MAP3K20: variants seen among roughly 807,000 people sequenced by gnomAD.
MAP3K20 encodes HCCS-4.
MAP3K20 carries 40 observed loss-of-function variants against 85.7 expected under a neutral mutation model. That is an observed-to-expected ratio of 0.47 (90% confidence interval 0.36 to 0.61). The LOEUF (loss-of-function observed/expected upper bound fraction) is 0.61. MAP3K20 is among the 20% of genes least tolerant of loss of function. The pLI is 0.00. For missense variants in MAP3K20, 817 were observed against 961.7 expected (o/e 0.85, Z 1.99); for synonymous variants, 325 against 327.7 (o/e 0.99, Z 0.09).
intron 10 of MAP3K20, among the ~76,000 whole-genome samples, chr2:173,215,120 T>C (rs1332607546): frequency 6.6e-6 from 1 of 152,216 alleles, no homozygotes; most frequent in African/African-American, 2.4e-5. Flanking sequence ...ATCTTTGGCT[T>C]AAATTACAAG....
intron 1 of MAP3K20, among the ~76,000 whole-genome samples, chr2:173,085,751 G>C (rs1045334060): frequency 2.0e-5 from 3 of 146,986 alleles, no homozygotes; most frequent in Non-Finnish European, 3.0e-5. Flanking sequence ...GCATTGTTGC[G>C]TGGAGCAAAA....
chr2:173,215,055 T>A (rs1012035278), intron 10 of MAP3K20, among the ~76,000 whole-genome samples: 3 of 152,208 alleles, frequency 2.0e-5, no homozygotes, highest in Non-Finnish European at 4.4e-5. Flanking sequence ...TCTTGATCTG[T>A]TTTCTGGAAG....
At chr2:173,232,157 A>T in intron 12 of MAP3K20, 35 bp from the exon 13 acceptor site, 1 of 1,614,114 alleles carries the variant, frequency 6.2e-7, no homozygotes, top group South Asian at 1.1e-5. Context: ...ACCATGTGTG[A>T]ATCTTCAAAA....
At chr2:173,164,842 T>G (rs1288699117) in intron 2 of MAP3K20, among the ~76,000 whole-genome samples, 1 of 152,206 alleles carries the variant, frequency 6.6e-6, no homozygotes, top group African/African-American at 2.4e-5. Flanking sequence ...CATGGCAAAC[T>G]GAGCTAATGG....
chr2:173,213,308 G>T lies in MAP3K20; in HGVS notation c.851+3473G>T, dbSNP rs79330168. ...AGACAGTGAAGTATTTTAGTAAAAGGCGTACAGTTGCCTAAGGGGCCTCCT... is the reference window on the plus strand; with the variant it reads ...AGACAGTGAAGTATTTTAGTAAAAGTCGTACAGTTGCCTAAGGGGCCTCCT... On this transcript the variant is annotated intron_variant, in intron 10 of 19. Coordinates refer to ENST00000375213, the MANE Select transcript of MAP3K20 (RefSeq NM_016653.3). Among the ~76,000 whole-genome samples, 619 of 152,250 alleles carry T rather than the reference G, an allele frequency of 4.1e-3. 2 individuals are homozygous for T. The highest frequency in any genetic ancestry group is 7.2e-3 in the Non-Finnish European group (487 of 68,014).
At chr2:173,188,516 G>C (rs1321143998) in intron 5 of MAP3K20, among the ~76,000 whole-genome samples, 1 of 152,022 alleles carries the variant, frequency 6.6e-6, no homozygotes, top group Non-Finnish European at 1.5e-5. Context: ...AGAATGGGTG[G>C]TGATGACAAG....
At chr2:173,128,633 A>T (rs1688516917) in intron 2 of MAP3K20, among the ~76,000 whole-genome samples, 1 of 152,088 alleles carries the variant, frequency 6.6e-6, no homozygotes, top group Admixed American at 6.6e-5. Flanking sequence ...AGTCCAGCCT[A>T]AATTGACTTT....
intron 2 of MAP3K20, among the ~76,000 whole-genome samples, chr2:173,094,538 G>A (rs1363700167): frequency 6.6e-6 from 1 of 152,100 alleles, no homozygotes; most frequent in African/African-American, 2.4e-5. Flanking sequence ...GCATATAATC[G>A]ACATGTCTGT....
chr2:173,145,595 A>T (rs1022361925), intron 2 of MAP3K20, among the ~76,000 whole-genome samples: 8 of 152,176 alleles, frequency 5.3e-5, no homozygotes, highest in African/African-American at 1.9e-4. Flanking sequence ...GAAAGGCTAA[A>T]ATTTAAAAAA....
chr2:173,165,659 G>A (rs76378782), intron 2 of MAP3K20, among the ~76,000 whole-genome samples: 8,838 of 152,162 alleles, frequency 0.058, 589 homozygotes, highest in African/African-American at 0.16. Flanking sequence ...GCGTAATTAA[G>A]TGTATAATTC....
intron 3 of MAP3K20, among the ~76,000 whole-genome samples, chr2:173,174,965 A>G (rs1179988014): frequency 3.2e-4 from 49 of 152,218 alleles, no homozygotes. Flanking sequence ...ATTTGTAGTC[A>G]TAACTGACAG....
chr2:173,113,685 T>C (rs1688037266), intron 2 of MAP3K20, among the ~76,000 whole-genome samples: 2 of 152,192 alleles, frequency 1.3e-5, no homozygotes, highest in African/African-American at 4.8e-5. Flanking sequence ...TTAATTTCCA[T>C]GTATTTGCAT....
chr2:173,107,092 CAG>C (rs571154792), intron 2 of MAP3K20, among the ~76,000 whole-genome samples: 12 of 152,118 alleles, frequency 7.9e-5, no homozygotes, highest in Admixed American at 2.0e-4. Flanking sequence ...CATTAAGAAA[CAG>C]GGGAGTGAAC....
At position 173,258,733 on chromosome 2, in the gene MAP3K20, G is replaced by A; in HGVS notation, c.1394G>A (p.Gly465Glu). 4 of 1,611,566 alleles carry A rather than the reference G, an allele frequency of 2.5e-6. No individual in the cohort carries two copies. Among genetic ancestry groups the A allele is most frequent in the Non-Finnish European group, 2.5e-6 (3 of 1,178,144 alleles). ...TGGAAAATGTATATGGAGATGGATG[G>A]GGATGAAATTGCAATAACCTACATA... is the stretch of plus-strand genomic sequence containing the variant. ...CKWKMYMEMD[G>E]DEIAITYIKD... The change falls in exon 17 of 20, where the codon GGG (glycine) becomes GAG (glutamate). Residue 465 changes from glycine (G) to glutamate (E), a missense_variant. Transcript: ENST00000375213.
intron 8 of MAP3K20, among the ~76,000 whole-genome samples, chr2:173,203,480 A>T (rs1395069847): frequency 6.6e-6 from 1 of 152,136 alleles, no homozygotes; most frequent in Non-Finnish European, 1.5e-5. Flanking sequence ...ATATGGTTTT[A>T]TATTTAATAT....
intron 12 of MAP3K20, among the ~76,000 whole-genome samples, chr2:173,231,519 A>G (rs1684522983): frequency 6.6e-6 from 1 of 152,220 alleles, no homozygotes; most frequent in African/African-American, 2.4e-5. Context: ...TCTAACAGCT[A>G]TTTTTAGTCT....
At chr2:173,117,347 C>T (rs757429841) in intron 2 of MAP3K20, among the ~76,000 whole-genome samples, 19 of 152,090 alleles carry the variant, frequency 1.2e-4, no homozygotes, top group Non-Finnish European at 1.8e-4. Flanking sequence ...GGCACAATCA[C>T]GGCTCAATGT....
chr2:173,090,212 A>G (rs894860902), intron 1 of MAP3K20, among the ~76,000 whole-genome samples: 61 of 152,192 alleles, frequency 4.0e-4, no homozygotes, highest in African/African-American at 1.4e-3. Context: ...AGTGTTAACA[A>G]TGGCCACTTA....
In MAP3K20 at chr2:173,234,478, G is replaced by A. The variant is rs990180731; in HGVS notation, c.1203+2019G>A. Among the ~76,000 whole-genome samples the A allele has an allele frequency of 5.3e-5, 8 of 152,180 alleles. No individual in the cohort carries two copies. In the East Asian group the frequency reaches 1.5e-3, roughly 29 times the overall value. ...GCACACAGCATCCCCTTGGCAACTG[G>A]GAGGAAAGGACCAATTCATTACCCG... On this transcript the variant is annotated intron_variant, in intron 14 of 19. Transcript: ENST00000375213.
Sources: allele counts gnomAD v4.1 joint callset (sites outside exome capture counted in the v4.1 genomes callset), GRCh38; gene constraint gnomAD v4.1.1; transcripts MANE v1.5; gene names NCBI Gene and HGNC (gene_info 2026-07-23, HGNC 2026-07-21).